ZFP30: variants seen among roughly 807,000 people sequenced by gnomAD.
ZFP30 encodes zinc finger protein 30 homolog.
In ZFP30, 16 loss-of-function variants were observed where a neutral mutation model predicts 12.3. The ratio of observed to expected loss-of-function variants is 1.30; its 90% CI spans 0.88 to 1.98. The LOEUF is 1.98. ZFP30 is among the 30% of genes most tolerant of loss of function. ZFP30 has a pLI of 0.00. For missense variants in ZFP30, 560 were observed against 611.2 expected (o/e 0.92, Z 0.88); for synonymous variants, 172 against 201.0 (o/e 0.86, Z 1.22).
intron 4 of ZFP30, 24 bp from the exon 5 acceptor site, chr19:37,643,387 A>G: frequency 2.0e-6 from 3 of 1,470,492 alleles, no homozygotes; most frequent in Non-Finnish European, 1.8e-6. Flanking sequence ...AATAGAATAT[A>G]ATAAAGAATT....
At position 37,634,876 on chromosome 19, in the gene ZFP30, T is replaced by C. The variant is rs191843817; in HGVS notation, c.*105A>G. 1.8e-5 allele frequency: 23 copies of C among 1,253,346 alleles called. No homozygotes were observed. Among genetic ancestry groups the C allele is most frequent in the African/African-American group, 3.0e-5 (2 of 66,204 alleles). 77.6% of individuals were successfully genotyped at this position (1,253,346 alleles called of 1,614,324 possible). ...TTTAAATAAAACTTCCTATGCTTAG[T>C]TGTGAGCATGAAGCAAAAGGGATTC... is the stretch of plus-strand genomic sequence containing the variant. On this transcript the variant is annotated 3_prime_UTR_variant, in exon 6 of 6. Transcript: ENST00000684514.
At chr19:37,650,685 C>T (rs955803344) in intron 2 of ZFP30, among the ~76,000 whole-genome samples, 1 of 152,120 alleles carries the variant, frequency 6.6e-6, no homozygotes, top group African/African-American at 2.4e-5. Context: ...TCAACTCCCA[C>T]CCACATATGC....
chr19:37,649,891 A>G (rs1462437249), intron 2 of ZFP30, among the ~76,000 whole-genome samples: 2 of 152,180 alleles, frequency 1.3e-5, no homozygotes, highest in Non-Finnish European at 2.9e-5. Context: ...GATAAAATTC[A>G]TATTTGATGT....
chr19:37,646,390 A>G (rs1012124015), intron 3 of ZFP30, among the ~76,000 whole-genome samples: 2 of 152,186 alleles, frequency 1.3e-5, no homozygotes, highest in African/African-American at 4.8e-5. Flanking sequence ...AGCTGCTTCA[A>G]TGCCCAATAT....
Position 37,635,493 on chromosome 19 carries a change from C to G in ZFP30, c.1048G>C (p.Gly350Arg). The G allele has an allele frequency of 6.2e-7, 1 of 1,614,064 alleles. No individual in the cohort carries two copies. The highest frequency in any genetic ancestry group is 8.5e-7 in the Non-Finnish European group (1 of 1,180,016). Reference sequence around the variant, plus strand: ...TCCTTACAATCATAAGGCTTCTCACCAGTGTGAATTCTCTGATGGAGAGTA... The same window carrying G: ...TCCTTACAATCATAAGGCTTCTCACGAGTGTGAATTCTCTGATGGAGAGTA... The part of the protein sequence containing the change: ...QLTLHQRIHT[G>R]EKPYDCKECG... The change falls in exon 6 of 6, where the codon GGT (glycine) becomes CGT (arginine). Residue 350 changes from glycine to arginine, a missense_variant. By Grantham distance (125) the Gly-to-Arg change is moderately radical. Transcript: ENST00000684514.
At chr19:37,636,337 C>T (rs1649163456) in intron 5 of ZFP30, 32 bp from the exon 6 acceptor site, 1 of 1,515,826 alleles carries the variant, frequency 6.6e-7, no homozygotes, top group African/African-American at 1.4e-5. Flanking sequence ...ACATATTTTC[C>T]TGTTCTACAC....
At chr19:37,651,128 TATGC>T (rs1398370139) in intron 2 of ZFP30, among the ~76,000 whole-genome samples, 1 of 152,246 alleles carries the variant, frequency 6.6e-6, no homozygotes, top group African/African-American at 2.4e-5. Context: ...CCAACTGAAC[TATGC>T]AGTATACTCA....
rs1041507468 is a variant in ZFP30, at chr19:37,650,036, T to G, written c.-77-2137A>C. On this transcript the variant is annotated intron_variant, in intron 2 of 5. Coordinates refer to ENST00000684514, the MANE Select transcript of ZFP30 (RefSeq NM_001320669.3). ...ATATGCATGTGTATAAAATGATCTG[T>G]GAATTGGAATAAAATTTTATTGTTA... Among the ~76,000 whole-genome samples, 12 of 152,082 alleles carry G rather than the reference T, an allele frequency of 7.9e-5. No homozygotes were observed. In the South Asian group the frequency reaches 8.3e-4, roughly 11 times the overall value.
chr19:37,645,580 C>A (rs2044527178), intron 3 of ZFP30, among the ~76,000 whole-genome samples: 1 of 148,780 alleles, frequency 6.7e-6, no homozygotes, highest in African/African-American at 2.5e-5. Flanking sequence ...CTGCTATGGC[C>A]AAAACTTCCT....
chr19:37,644,962 T>A (rs2044512187), intron 3 of ZFP30, among the ~76,000 whole-genome samples: 1 of 151,660 alleles, frequency 6.6e-6, no homozygotes, highest in Non-Finnish European at 1.5e-5. Flanking sequence ...ATCCAGCACT[T>A]TGGGAGGCCG....
intron 2 of ZFP30, chr19:37,651,380 TC>T (rs1377523632): frequency 6.6e-6 from 1 of 151,598 alleles, no homozygotes; most frequent in Non-Finnish European, 1.5e-5. Flanking sequence ...ATCAAGGCCA[TC>T]CTGGCTAAAA....
chr19:37,651,290 C>T (rs2044644744), intron 2 of ZFP30: 2 of 152,212 alleles, frequency 1.3e-5, no homozygotes, highest in Non-Finnish European at 2.9e-5. Flanking sequence ...TAAAATAGCA[C>T]AGCTGGCCGG....
intron 2 of ZFP30, among the ~76,000 whole-genome samples, chr19:37,650,065 T>C (rs2927740): frequency 0.75 from 113,161 of 151,782 alleles, 42,881 homozygotes; most frequent in Middle Eastern, 0.83. Flanking sequence ...ATTGTTACCT[T>C]TACTTGATGG....
In ZFP30 at chr19:37,631,269, G is replaced by A. The variant is rs527850579; in HGVS notation, c.*3712C>T. The stretch of plus-strand genomic sequence containing the variant: ...AAGTTACAGGGTAAAAGGTGCTTCA[G>A]ATACATTAAGTTAAATAAAATCAAT... On this transcript the variant is annotated 3_prime_UTR_variant, in exon 6 of 6. Transcript: ENST00000684514. The A allele has an allele frequency of 6.6e-6, 1 of 152,300 alleles. No homozygotes were observed. The highest frequency in any genetic ancestry group is 1.9e-4 in the East Asian group (1 of 5,180). The allele number at this position is 152,300 out of a possible 1,614,324, so 9.4% of individuals were successfully genotyped here. A position where few individuals can be genotyped will look rare whatever the true frequency, so the allele number is the denominator to read the frequency against.
chr19:37,636,130 A>G lies in ZFP30; in HGVS notation c.411T>C (p.Pro137=), dbSNP rs2044321661. 1 of 1,614,070 alleles carries G rather than the reference A, an allele frequency of 6.2e-7. No homozygotes were observed. The highest frequency in any genetic ancestry group is 1.7e-5 in the Admixed American group (1 of 59,998). ...QVTKTTSEKM[P]TYRKLTSLPL... ...GAAGAGATGTGAGTTTTCTGTAAGT[A>G]GGCATTTTTTCAGAGGTGGTTTTTG... Residue 137 remains proline (P), a synonymous_variant, in exon 6 of 6, where the codon CCT becomes CCC. Coordinates refer to ENST00000684514, the MANE Select transcript of ZFP30 (RefSeq NM_001320669.3).
At chr19:37,641,250 C>G (rs764871209) in intron 5 of ZFP30, among the ~76,000 whole-genome samples, 3 of 152,218 alleles carry the variant, frequency 2.0e-5, no homozygotes, top group Non-Finnish European at 4.4e-5. Context: ...ATCAATGTTC[C>G]TCTCTTTGAA....
In ZFP30 at chr19:37,647,777, T is replaced by C. The variant is rs148263898; in HGVS notation, c.9+37A>G. 386 of 1,613,068 alleles carry C rather than the reference T, an allele frequency of 2.4e-4. 1 individual carries two copies. In the African/African-American group the frequency reaches 4.3e-3, roughly 18 times the overall value. On this transcript the variant is annotated intron_variant, in intron 3 of 5. Coordinates refer to ENST00000684514, the MANE Select transcript of ZFP30 (RefSeq NM_001320669.3). The stretch of plus-strand genomic sequence containing the variant: ...GAATGTTCACATAACCTGAAAAAAA[T>C]GACAGAATTCCAAAGTAGAGAGAAA...
rs376839767 is a variant in ZFP30, at chr19:37,635,681, C to A, written c.860G>T (p.Arg287Leu). The A allele has an allele frequency of 4.3e-6, 7 of 1,613,092 alleles. No individual in the cohort carries two copies. In the East Asian group the frequency reaches 1.6e-4, roughly 36 times the overall value. ...CTCAGCAATGTTCAGTCTCTGATGT[C>A]GAGTAAGGTGTGCATACTGCCTAAA... The part of the protein sequence containing the change: ...KAFRQYAHLT[R>L]HQRLNIAEKC... The change falls in exon 6 of 6, where the codon CGA becomes CTA. Residue 287 changes from arginine to leucine, a missense_variant. By Grantham distance (102) the Arg-to-Leu change is moderately radical (BLOSUM62 -2). Coordinates refer to ENST00000684514, the MANE Select transcript of ZFP30 (RefSeq NM_001320669.3).
intron 2 of ZFP30, 45 bp from the exon 3 acceptor site, chr19:37,647,944 A>C: frequency 8.4e-7 from 1 of 1,194,754 alleles, no homozygotes. Flanking sequence ...ACTGCCTCAG[A>C]GTTTCCAAAT....
Sources: gnomAD v4.1 joint callset for allele counts (sites outside exome capture counted in the v4.1 genomes callset) on GRCh38, gnomAD v4.1.1 for gene constraint, MANE v1.5 for transcripts, NCBI Gene and HGNC (gene_info 2026-07-23, HGNC 2026-07-21) for gene names.